The following FHIT variants were observed in gnomAD, a reference collection of about 807,000 sequenced individuals.
The protein encoded by FHIT is fragile histidine triad diadenosine triphosphatase, also known as bis(5'-adenosyl)-triphosphatase.
In FHIT, 19 loss-of-function variants were observed where a neutral mutation model predicts 17.9. The observed-to-expected ratio is 1.06, with a 90% CI of 0.74 to 1.56. FHIT has a LOEUF of 1.56. Ranked by LOEUF, FHIT falls within the 40% of genes most tolerant of loss-of-function variation. The pLI, the probability that FHIT is intolerant of heterozygous loss-of-function variation, is 0.00. For missense variants in FHIT, 248 were observed against 189.2 expected (o/e 1.31, Z -1.82); for synonymous variants, 81 against 69.7 (o/e 1.16, Z -0.81).
intron 4 of FHIT, among the ~76,000 whole-genome samples, chr3:60,762,420 T>C (rs79638604): frequency 0.11 from 17,181 of 152,230 alleles, 1,137 homozygotes; most frequent in African/African-American, 0.18. Flanking sequence ...CTCTTTCTTC[T>C]GCCTGTGATG....
At position 60,860,836 on chromosome 3, in the gene FHIT, C is replaced by CGT. The variant is rs1553751968; in HGVS notation, c.-110-38826_-110-38825insAC. ...ATCAGGTATATATGATACATATGTA[C>CGT]ATATATCAGGTATATATGAACATAT... On this transcript the variant is annotated intron_variant, in intron 3 of 9. Transcript: ENST00000492590. 5.0e-3 allele frequency among the ~76,000 whole-genome samples: 13 copies of CGT among 2,618 alleles called. 3 individuals are homozygous for CGT. The highest frequency in any genetic ancestry group is 6.9e-3 in the African/African-American group (13 of 1,874). 1.7% of individuals were successfully genotyped at this position (2,618 alleles called of 152,430 possible).
chr3:59,858,053 G>C (rs1213326470), intron 8 of FHIT, among the ~76,000 whole-genome samples: 3 of 152,078 alleles, frequency 2.0e-5, no homozygotes, highest in Non-Finnish European at 4.4e-5. Context: ...CTTCAACTAT[G>C]CTTAGACACA....
chr3:60,779,963 C>G (rs1478319026), intron 4 of FHIT, among the ~76,000 whole-genome samples: 2 of 152,218 alleles, frequency 1.3e-5, no homozygotes, highest in Admixed American at 1.3e-4. Flanking sequence ...ATTCCCACCC[C>G]TAGGCCCCCC....
intron 5 of FHIT, among the ~76,000 whole-genome samples, chr3:60,523,439 T>C (rs2107570870): frequency 6.6e-6 from 1 of 152,314 alleles, no homozygotes; most frequent in African/African-American, 2.4e-5. Context: ...AATGGAAATT[T>C]CCTTGATTAT....
intron 4 of FHIT, among the ~76,000 whole-genome samples, chr3:60,665,744 G>C (rs1553692312): frequency 6.6e-6 from 1 of 151,980 alleles, no homozygotes; most frequent in Non-Finnish European, 1.5e-5. Flanking sequence ...TCTGTCTTTT[G>C]ATGGTGTTTA....
rs578196629 is a variant in FHIT, at chr3:60,326,595, C to T, written c.103+210265G>A. Reference sequence around the variant, plus strand: ...TAACAGGCCATGGACTGGTCCATGACGCAGGGGCTGGGGACCCCTGTCCTA... The same window carrying T: ...TAACAGGCCATGGACTGGTCCATGATGCAGGGGCTGGGGACCCCTGTCCTA... On this transcript the variant is annotated intron_variant, in intron 5 of 9. Coordinates refer to ENST00000492590, the MANE Select transcript of FHIT (RefSeq NM_002012.4). 1.2e-4 allele frequency among the ~76,000 whole-genome samples: 19 copies of T among 152,302 alleles called. No homozygotes were observed. In the South Asian group the frequency reaches 2.9e-3, roughly 23 times the overall value.
At chr3:60,131,078 T>C (rs1417822547) in intron 5 of FHIT, among the ~76,000 whole-genome samples, 6 of 68,352 alleles carry the variant, frequency 8.8e-5, no homozygotes, top group South Asian at 5.3e-4. Context: ...TATGTATGTA[T>C]ACACATATAT....
intron 8 of FHIT, among the ~76,000 whole-genome samples, chr3:59,832,170 T>C (rs1230158855): frequency 2.6e-5 from 4 of 152,168 alleles, no homozygotes; most frequent in South Asian, 2.1e-4. Flanking sequence ...AAGTGGTTGA[T>C]TGTTGGAGCC....
intron 5 of FHIT, among the ~76,000 whole-genome samples, chr3:60,082,563 A>G (rs1353948378): frequency 6.6e-6 from 1 of 152,304 alleles, no homozygotes; most frequent in East Asian, 1.9e-4. Context: ...TGCTTTCCAC[A>G]GAGGCTAAAC....
intron 2 of FHIT, among the ~76,000 whole-genome samples, chr3:61,133,497 A>G (rs2036823818): frequency 6.6e-6 from 1 of 152,240 alleles, no homozygotes; most frequent in African/African-American, 2.4e-5. Context: ...TGAATTCCAG[A>G]ATAAACAAGG....
intron 4 of FHIT, among the ~76,000 whole-genome samples, chr3:60,555,878 C>T (rs1257130891): frequency 6.6e-6 from 1 of 152,176 alleles, no homozygotes; most frequent in African/African-American, 2.4e-5. Context: ...AAGCTTTCTG[C>T]AGGAGAGCTG....
intron 4 of FHIT, among the ~76,000 whole-genome samples, chr3:60,807,789 G>C (rs576201422): frequency 6.6e-6 from 1 of 151,224 alleles, no homozygotes; most frequent in East Asian, 1.9e-4. Context: ...AGAGGAGACA[G>C]TGAAAAAGAA....
At chr3:59,905,284 C>T (rs7641743) in intron 8 of FHIT, among the ~76,000 whole-genome samples, 71,319 of 152,064 alleles carry the variant, frequency 0.47, 17,465 homozygotes, top group East Asian at 0.8. Flanking sequence ...TAGAGAATGA[C>T]AGCATACAGA....
chr3:61,204,960 G>T (rs2039166664), intron 1 of FHIT, among the ~76,000 whole-genome samples: 1 of 149,402 alleles, frequency 6.7e-6, no homozygotes, highest in Non-Finnish European at 1.5e-5. Flanking sequence ...ATCTCCTAAT[G>T]CCATCCCACC....
chr3:60,343,546 C>G (rs1710629071), intron 5 of FHIT, among the ~76,000 whole-genome samples: 1 of 152,134 alleles, frequency 6.6e-6, no homozygotes, highest in Non-Finnish European at 1.5e-5. Context: ...ATATTCCTAA[C>G]ACCACTTTCC....
At chr3:60,908,943 G>T (rs1163143874) in intron 3 of FHIT, among the ~76,000 whole-genome samples, 1 of 152,138 alleles carries the variant, frequency 6.6e-6, no homozygotes, top group East Asian at 1.9e-4. Flanking sequence ...AAAGAGCCCA[G>T]CTGTTCCAAA....
intron 4 of FHIT, among the ~76,000 whole-genome samples, chr3:60,729,043 G>C (rs1032501581): frequency 9.2e-5 from 14 of 152,090 alleles, no homozygotes; most frequent in African/African-American, 3.4e-4. Context: ...ATTCACATAT[G>C]CCAAAAAAGA....
chr3:61,121,268 G>A (rs926534228), intron 2 of FHIT, among the ~76,000 whole-genome samples: 1 of 152,038 alleles, frequency 6.6e-6, no homozygotes, highest in Non-Finnish European at 1.5e-5. Context: ...TCCTCGAGAA[G>A]AGCAAACCCA....
At chr3:60,808,054 T>C (rs782446357) in intron 4 of FHIT, among the ~76,000 whole-genome samples, 1 of 152,212 alleles carries the variant, frequency 6.6e-6, no homozygotes, top group Non-Finnish European at 1.5e-5. Context: ...TGGTCATCTA[T>C]TGACCTCAGA....
Sources: allele counts gnomAD v4.1 joint callset (sites outside exome capture counted in the v4.1 genomes callset), GRCh38; gene constraint gnomAD v4.1.1; transcripts MANE v1.5; gene names NCBI Gene and HGNC (gene_info 2026-07-23, HGNC 2026-07-21).